Variants in SGCZ observed in about 807,000 individuals in gnomAD.
SGCZ encodes the protein sarcoglycan zeta, also known as zeta-sarcoglycan.
A neutral mutation model predicts 41.3 loss-of-function variants in SGCZ; 40 were observed. The observed-to-expected ratio is 0.97, with a 90% CI of 0.75 to 1.26. The LOEUF is 1.26. SGCZ is among the 50% of genes most tolerant of loss of function. The pLI is 0.00. For synonymous variants in SGCZ, 206 were observed against 137.5 expected (o/e 1.50, Z -3.49); for missense variants, 552 against 369.8 (o/e 1.49, Z -4.04).
At chr8:15,201,295 G>A (rs1043738739) in intron 1 of SGCZ, among the ~76,000 whole-genome samples, 1 of 152,206 alleles carries the variant, frequency 6.6e-6, no homozygotes, top group Non-Finnish European at 1.5e-5. Context: ...GGGATTACAG[G>A]CGTGAGCCCC....
At chr8:14,390,402 C>A (rs1224317091) in intron 2 of SGCZ, among the ~76,000 whole-genome samples, 1 of 151,552 alleles carries the variant, frequency 6.6e-6, no homozygotes, top group Non-Finnish European at 1.5e-5. Flanking sequence ...AAGAAAAAAT[C>A]ATGTTTAGAG....
chr8:14,950,911 G>A (rs1210411231), intron 1 of SGCZ, among the ~76,000 whole-genome samples: 5 of 151,970 alleles, frequency 3.3e-5, no homozygotes, highest in Admixed American at 3.3e-4. Flanking sequence ...AATGGAAAGA[G>A]CCAAAATTAA....
chr8:15,212,851 C>A (rs117075395), intron 1 of SGCZ, among the ~76,000 whole-genome samples: 2,035 of 152,136 alleles, frequency 0.013, 20 homozygotes, highest in Non-Finnish European at 0.02. Context: ...ACTTCAACAT[C>A]ATTACTTTAA....
chr8:14,782,885 T>A (rs570445336), intron 1 of SGCZ, among the ~76,000 whole-genome samples: 1 of 152,320 alleles, frequency 6.6e-6, no homozygotes, highest in Admixed American at 6.5e-5. Flanking sequence ...CCAAATGGTA[T>A]CTCATCTAAT....
At chr8:14,091,520 A>G (rs940511184) in intron 7 of SGCZ, among the ~76,000 whole-genome samples, 3 of 152,058 alleles carry the variant, frequency 2.0e-5, no homozygotes, top group Non-Finnish European at 4.4e-5. Context: ...TGCCATTCTA[A>G]CTGGCCTGAG....
At chr8:14,969,640 A>G (rs1406894920) in intron 1 of SGCZ, among the ~76,000 whole-genome samples, 2 of 151,996 alleles carry the variant, frequency 1.3e-5, no homozygotes, top group South Asian at 4.1e-4. Flanking sequence ...ATCATACAGT[A>G]TATACATTTC....
chr8:14,812,166 G>A (rs1418021495), intron 1 of SGCZ, among the ~76,000 whole-genome samples: 1 of 151,782 alleles, frequency 6.6e-6, no homozygotes, highest in East Asian at 1.9e-4. Context: ...AATGTAAAAT[G>A]TTACATAATG....
At chr8:14,674,642 G>A (rs1248394338) in intron 1 of SGCZ, among the ~76,000 whole-genome samples, 1 of 152,048 alleles carries the variant, frequency 6.6e-6, no homozygotes, top group Admixed American at 6.6e-5. Flanking sequence ...GTTTGACGTG[G>A]GACCTGGTGG....
rs144504157 is a variant in SGCZ at position 15,117,390 on chromosome 8, C to T, written c.39+120195G>A. Among the ~76,000 whole-genome samples, 23 of 152,102 alleles carry T rather than the reference C, an allele frequency of 1.5e-4. 1 individual carries two copies. The East Asian group carries it at 4.4e-3, about 29-fold the overall frequency. The stretch of plus-strand genomic sequence containing the variant: ...AAAAAAAGTATAAATGTATTATTTG[C>T]TCTAATGTGCTGGGCATTGATTACT... On this transcript the variant is annotated intron_variant, in intron 1 of 7. Transcript: ENST00000382080.
intron 1 of SGCZ, among the ~76,000 whole-genome samples, chr8:14,578,290 T>C (rs959876302): frequency 2.6e-5 from 4 of 152,184 alleles, no homozygotes; most frequent in Admixed American, 2.6e-4. Flanking sequence ...CTAATCCACA[T>C]CTAGGCCTCC....
At chr8:14,460,397 T>A (rs955809391) in intron 2 of SGCZ, among the ~76,000 whole-genome samples, 3 of 152,046 alleles carry the variant, frequency 2.0e-5, no homozygotes, top group African/African-American at 7.2e-5. Flanking sequence ...ATTTATCAAT[T>A]AAATTTATCA....
At chr8:14,494,431 A>C (rs899518604) in intron 2 of SGCZ, among the ~76,000 whole-genome samples, 3 of 152,198 alleles carry the variant, frequency 2.0e-5, no homozygotes, top group Non-Finnish European at 2.9e-5. Context: ...GAGAAGAAGA[A>C]TGATATTTCA....
intron 1 of SGCZ, among the ~76,000 whole-genome samples, chr8:14,611,605 T>C (rs1805932763): frequency 6.6e-6 from 1 of 152,186 alleles, no homozygotes; most frequent in Non-Finnish European, 1.5e-5. Flanking sequence ...CAGTGTAACA[T>C]TCCTTCAAAT....
chr8:14,319,222 C>G (rs1045832561), intron 3 of SGCZ, among the ~76,000 whole-genome samples: 1 of 151,622 alleles, frequency 6.6e-6, no homozygotes, highest in Non-Finnish European at 1.5e-5. Context: ...AGTGAAATGG[C>G]AAAAATATAG....
At chr8:15,234,533 G>A (rs1802060072) in intron 1 of SGCZ, among the ~76,000 whole-genome samples, 1 of 152,108 alleles carries the variant, frequency 6.6e-6, no homozygotes, top group South Asian at 2.1e-4. Flanking sequence ...GGGCAGAATA[G>A]AAGATGAAAC....
chr8:14,656,727 C>T (rs117020701), intron 1 of SGCZ, among the ~76,000 whole-genome samples: 2,711 of 151,258 alleles, frequency 0.018, 40 homozygotes, highest in Non-Finnish European at 0.029. Context: ...CTCTAGTTTG[C>T]TAACAGCTTC....
At chr8:14,729,329 C>T (rs1029693625) in intron 1 of SGCZ, among the ~76,000 whole-genome samples, 10 of 152,168 alleles carry the variant, frequency 6.6e-5, no homozygotes, top group Non-Finnish European at 1.3e-4. Context: ...ATTCTTCAAA[C>T]TTGTATCATG....
At chr8:15,048,274 T>A (rs1434611493) in intron 1 of SGCZ, among the ~76,000 whole-genome samples, 1 of 151,798 alleles carries the variant, frequency 6.6e-6, no homozygotes, top group Admixed American at 6.6e-5. Flanking sequence ...GGGAGCTAGA[T>A]AAGTGGATCC....
intron 1 of SGCZ, among the ~76,000 whole-genome samples, chr8:15,096,310 A>T (rs1806344762): frequency 6.6e-6 from 1 of 150,968 alleles, no homozygotes; most frequent in Non-Finnish European, 1.5e-5. Context: ...CTGGTCTTGA[A>T]CTCCTGACCT....
Sources: allele counts gnomAD v4.1 joint callset (sites outside exome capture counted in the v4.1 genomes callset), GRCh38; gene constraint gnomAD v4.1.1; transcripts MANE v1.5; gene names NCBI Gene and HGNC (gene_info 2026-07-23, HGNC 2026-07-21).